ZC2HC1A: variants seen among roughly 807,000 people sequenced by gnomAD.
ZC2HC1A encodes the protein zinc finger C2HC domain-containing protein 1A.
Under a neutral mutation model 40.7 loss-of-function variants are expected in ZC2HC1A, and 28 were observed. The observed-to-expected ratio is 0.69, with a 90% CI of 0.51 to 0.94. The LOEUF (loss-of-function observed/expected upper bound fraction) is 0.94, where lower values mean the gene tolerates loss of function less well. Ranked by LOEUF, ZC2HC1A falls within the 40% of genes least tolerant of loss-of-function variation. The pLI is 0.00. For missense variants in ZC2HC1A, 389 were observed against 386.3 expected, an observed-to-expected ratio of 1.01 and a Z score of -0.06; for synonymous variants, 129 against 129.2, an observed-to-expected ratio of 1.00 and a Z score of 0.01.
At position 78,717,858 on chromosome 8, in the gene ZC2HC1A, A is replaced by G. The variant is rs1811154542; in HGVS notation, c.*365A>G. On this transcript the variant is annotated 3_prime_UTR_variant, in exon 9 of 9. Coordinates refer to ENST00000263849, the MANE Select transcript of ZC2HC1A (RefSeq NM_016010.3). ...TGCTTAGCCCTTCAAGCTTTAGGAT[A>G]AGTATAACTTTGAGCAAAAAATTTG... 1 of 159,454 alleles carries G rather than the reference A, an allele frequency of 6.3e-6. No individual in the cohort carries two copies. Among genetic ancestry groups the G allele is most frequent in the South Asian group, 1.8e-4 (1 of 5,520 alleles). 9.9% of individuals were successfully genotyped at this position (159,454 alleles called of 1,614,324 possible).
In ZC2HC1A at chr8:78,718,779, A is replaced by G. The variant is rs1048679505; in HGVS notation, c.*1286A>G. On this transcript the variant is annotated 3_prime_UTR_variant, in exon 9 of 9. Coordinates refer to ENST00000263849, the MANE Select transcript of ZC2HC1A (RefSeq NM_016010.3). The stretch of plus-strand genomic sequence containing the variant: ...GTTAGTAGTAGATTGCCTTGATGGC[A>G]GTAATTCTGTAGTAATTTCTATTCA... 1.3e-5 allele frequency: 2 copies of G among 151,848 alleles called. No homozygotes were observed. The highest frequency in any genetic ancestry group is 6.6e-5 in the Admixed American group (1 of 15,260). 9.4% of individuals were successfully genotyped at this position (151,848 alleles called of 1,614,324 possible). A position where few individuals can be genotyped will look rare whatever the true frequency, so the allele number is the denominator to read the frequency against.
At chr8:78,704,162 A>G (rs2130573913) in intron 7 of ZC2HC1A, among the ~76,000 whole-genome samples, 1 of 152,174 alleles carries the variant, frequency 6.6e-6, no homozygotes, top group Middle Eastern at 3.4e-3. Context: ...CGAGCGGATC[A>G]CCTGAGGTCA....
chr8:78,670,903 T>G (rs953735471), intron 1 of ZC2HC1A, among the ~76,000 whole-genome samples: 13 of 152,194 alleles, frequency 8.5e-5, no homozygotes, highest in African/African-American at 2.9e-4. Flanking sequence ...GTAAATCTTC[T>G]GAGACACTGG....
chr8:78,679,462 CTTTAA>C (rs1385307787), intron 3 of ZC2HC1A: 1 of 151,986 alleles, frequency 6.6e-6, no homozygotes, highest in Non-Finnish European at 1.5e-5. Flanking sequence ...TGAATTGTGT[CTTTAA>C]TTTATGTTAC....
At chr8:78,700,251 C>G (rs573089468) in intron 7 of ZC2HC1A, among the ~76,000 whole-genome samples, 2 of 151,944 alleles carry the variant, frequency 1.3e-5, no homozygotes, top group African/African-American at 4.8e-5. Context: ...GACAGTTGAC[C>G]GCATGTATGT....
intron 4 of ZC2HC1A, among the ~76,000 whole-genome samples, chr8:78,687,492 GTT>G (rs919092014): frequency 1.4e-5 from 2 of 140,722 alleles, no homozygotes; most frequent in Non-Finnish European, 3.0e-5. Context: ...AATTATATAT[GTT>G]TATATAATAA....
At chr8:78,716,808 G>A (rs1465955165) in intron 8 of ZC2HC1A, among the ~76,000 whole-genome samples, 4 of 152,144 alleles carry the variant, frequency 2.6e-5, no homozygotes, top group African/African-American at 9.7e-5. Context: ...TGGATCATGG[G>A]GGTGGACTTC....
At chr8:78,683,710 A>G (rs755271592) in intron 3 of ZC2HC1A, among the ~76,000 whole-genome samples, 17 of 152,090 alleles carry the variant, frequency 1.1e-4, no homozygotes, top group Non-Finnish European at 1.9e-4. Context: ...AAATTTTTTC[A>G]GCAGCCATGA....
intron 2 of ZC2HC1A, among the ~76,000 whole-genome samples, chr8:78,678,046 C>G (rs765144693): frequency 6.6e-6 from 1 of 152,050 alleles, no homozygotes; most frequent in African/African-American, 2.4e-5. Flanking sequence ...TGAGAATGAC[C>G]AGAGGTCACT....
Position 78,697,461 on chromosome 8 carries a change from T to G in ZC2HC1A, c.559T>G (p.Ser187Ala). 6.2e-7 allele frequency: 1 copy of G among 1,610,812 alleles called. No homozygotes were observed. The highest frequency in any genetic ancestry group is 2.2e-5 in the East Asian group (1 of 44,828). Residue 187 changes from serine (S) to alanine (A), a missense_variant, in exon 6 of 9, where the codon TCT (serine) becomes GCT (alanine). Coordinates refer to ENST00000263849, the MANE Select transcript of ZC2HC1A (RefSeq NM_016010.3). ...SNSPGTASSG[S>A]SRLPQPSGAG... Reference sequence around the variant, plus strand: ...TTCTCCTGGAACTGCATCATCAGGATCTTCACGATTACCGCAGCCAAGTGG... The same window carrying G: ...TTCTCCTGGAACTGCATCATCAGGAGCTTCACGATTACCGCAGCCAAGTGG...
At chr8:78,704,751 G>C (rs1420871556) in intron 7 of ZC2HC1A, among the ~76,000 whole-genome samples, 1 of 152,042 alleles carries the variant, frequency 6.6e-6, no homozygotes, top group Non-Finnish European at 1.5e-5. Flanking sequence ...CATAGATTTG[G>C]TCTTTTTATA....
chr8:78,715,150 G>T, intron 7 of ZC2HC1A, 71 bp from the exon 8 acceptor site: 1 of 1,327,404 alleles, frequency 7.5e-7, no homozygotes. Context: ...TTCTAGTCAT[G>T]TGAATAGGTA....
intron 3 of ZC2HC1A, among the ~76,000 whole-genome samples, chr8:78,681,099 C>T (rs1380691846): frequency 6.6e-6 from 1 of 150,860 alleles, no homozygotes; most frequent in African/African-American, 2.4e-5. Flanking sequence ...AAGTGGTTCT[C>T]ATAGGATCTG....
intron 3 of ZC2HC1A, among the ~76,000 whole-genome samples, chr8:78,681,901 C>CTTTTTTTTTTTTTTTT (rs56181953): frequency 1.6e-5 from 2 of 126,470 alleles, no homozygotes; most frequent in Non-Finnish European, 1.7e-5. Flanking sequence ...CTTTTTCTTT[C>CTTTTTTTTTTTTTTTT]TTTTTTTTTT....
chr8:78,681,716 AC>A (rs1809785611), intron 3 of ZC2HC1A, among the ~76,000 whole-genome samples: 1 of 152,074 alleles, frequency 6.6e-6, no homozygotes, highest in African/African-American at 2.4e-5. Context: ...AAAATAAATG[AC>A]ATTTTGATTT....
rs762033559 is a variant in ZC2HC1A, at chr8:78,678,719, T to G, written c.210+40T>G. The G allele has an allele frequency of 1.3e-5, 18 of 1,406,754 alleles. No homozygotes were observed. In the Admixed American group the frequency reaches 1.4e-4, roughly 11 times the overall value. 87.1% of individuals were successfully genotyped at this position (1,406,754 alleles called of 1,614,324 possible). A position where few individuals can be genotyped will look rare whatever the true frequency, so the allele number is the denominator to read the frequency against. Reference sequence around the variant, plus strand: ...TTTTGAACAGTATGAACTTTGGTGTTATGTATGTTGAAAAATATTATATTA... The same window carrying G: ...TTTTGAACAGTATGAACTTTGGTGTGATGTATGTTGAAAAATATTATATTA... On this transcript the variant is annotated intron_variant, in intron 3 of 8. Coordinates refer to ENST00000263849, the MANE Select transcript of ZC2HC1A (RefSeq NM_016010.3).
intron 7 of ZC2HC1A, among the ~76,000 whole-genome samples, chr8:78,708,608 T>C (rs554887805): frequency 6.6e-6 from 1 of 152,194 alleles, no homozygotes; most frequent in Non-Finnish European, 1.5e-5. Context: ...TTAACAGATT[T>C]GTTTAAAAAA....
At chr8:78,707,007 TA>T (rs1023878862) in intron 7 of ZC2HC1A, among the ~76,000 whole-genome samples, 4 of 152,148 alleles carry the variant, frequency 2.6e-5, no homozygotes, top group African/African-American at 7.2e-5. Context: ...AGTTGAAAAG[TA>T]AAAAAATTTT....
chr8:78,707,992 AT>A (rs1360912411), intron 7 of ZC2HC1A, among the ~76,000 whole-genome samples: 1 of 152,116 alleles, frequency 6.6e-6, no homozygotes, highest in Non-Finnish European at 1.5e-5. Flanking sequence ...CTAACAAAAA[AT>A]TTTTGGTTAA....
Sources: allele counts gnomAD v4.1 joint callset (sites outside exome capture counted in the v4.1 genomes callset), GRCh38; gene constraint gnomAD v4.1.1; transcripts MANE v1.5; gene names NCBI Gene and HGNC (gene_info 2026-07-23, HGNC 2026-07-21).